The following CALN1 variants were observed in gnomAD, a reference collection of about 807,000 sequenced individuals.
The protein encoded by CALN1 is calcium-binding protein 8.
CALN1 carries 17 observed loss-of-function variants against 30.6 expected under a neutral mutation model. The ratio of observed to expected loss-of-function variants is 0.56; its 90% CI spans 0.38 to 0.83. The LOEUF is 0.83. Among genes scored for constraint, CALN1 ranks in the 40% least tolerant of loss-of-function variants. The pLI is 0.00. For missense variants in CALN1, 291 were observed against 354.9 expected, an observed-to-expected ratio of 0.82 and a Z score of 1.45; for synonymous variants, 156 against 131.4, an observed-to-expected ratio of 1.19 and a Z score of -1.28.
chr7:72,324,487 C>A (rs1585489808), intron 2 of CALN1, among the ~76,000 whole-genome samples: 2 of 152,110 alleles, frequency 1.3e-5, no homozygotes, highest in East Asian at 1.9e-4. Flanking sequence ...CCTCCAAAAT[C>A]TTTCCCTAGG....
At chr7:72,010,639 C>CCA (rs942956903) in intron 5 of CALN1, among the ~76,000 whole-genome samples, 60 of 150,548 alleles carry the variant, frequency 4.0e-4, no homozygotes, top group African/African-American at 1.4e-3. Context: ...TGGTGAAACT[C>CCA]CATCTCTACT....
At chr7:72,363,625 T>G (rs1803696346) in intron 2 of CALN1, among the ~76,000 whole-genome samples, 3 of 151,850 alleles carry the variant, frequency 2.0e-5, no homozygotes. Flanking sequence ...AGACACAAAA[T>G]GTTGAAAGTG....
intron 3 of CALN1, among the ~76,000 whole-genome samples, chr7:72,220,637 G>A (rs1336372072): frequency 6.6e-6 from 1 of 152,152 alleles, no homozygotes; most frequent in Non-Finnish European, 1.5e-5. Flanking sequence ...CACAATGGTT[G>A]AACCAGTTTA....
At chr7:72,011,942 T>A (rs1584741067) in intron 5 of CALN1, among the ~76,000 whole-genome samples, 1 of 152,194 alleles carries the variant, frequency 6.6e-6, no homozygotes, top group African/African-American at 2.4e-5. Flanking sequence ...CCCATTTAGA[T>A]AACTTTCAAT....
chr7:72,196,752 A>G (rs893420731), intron 3 of CALN1, among the ~76,000 whole-genome samples: 1 of 152,192 alleles, frequency 6.6e-6, no homozygotes, highest in Non-Finnish European at 1.5e-5. Context: ...GCTTGCCACT[A>G]TATCAAACAC....
intron 2 of CALN1, among the ~76,000 whole-genome samples, chr7:72,351,741 C>T (rs998358501): frequency 3.3e-5 from 5 of 151,836 alleles, no homozygotes; most frequent in African/African-American, 9.7e-5. Context: ...ATAATCAATA[C>T]CAGAAAAGTC....
chr7:72,134,132 T>C (rs1252747145), intron 3 of CALN1, among the ~76,000 whole-genome samples: 1 of 152,178 alleles, frequency 6.6e-6, no homozygotes, highest in Non-Finnish European at 1.5e-5. Context: ...TCTGTTCTTC[T>C]GCCATATGAG....
the CALN1 span, among the ~76,000 whole-genome samples, chr7:72,502,196 G>C: frequency 6.7e-6 from 1 of 149,274 alleles, no homozygotes; most frequent in South Asian, 2.1e-4. Context: ...TAGGAGGGAC[G>C]AGGTCAGAAT....
intron 3 of CALN1, among the ~76,000 whole-genome samples, chr7:72,256,312 T>C (rs1795908533): frequency 1.3e-5 from 2 of 152,052 alleles, no homozygotes; most frequent in Admixed American, 6.6e-5. Context: ...TTTTAAAAAT[T>C]AGCCGGGTGT....
chr7:72,314,826 A>G (rs1020885290), intron 2 of CALN1, among the ~76,000 whole-genome samples: 16 of 141,388 alleles, frequency 1.1e-4, no homozygotes, highest in African/African-American at 3.6e-4. Context: ...AAGAAATAAT[A>G]AAACATTTTG....
intron 6 of CALN1, among the ~76,000 whole-genome samples, chr7:71,794,089 C>T (rs1786743673): frequency 6.6e-6 from 1 of 151,970 alleles, no homozygotes; most frequent in South Asian, 2.1e-4. Context: ...GTGGCAGATA[C>T]CATGTGTGAT....
the CALN1 span, among the ~76,000 whole-genome samples, chr7:72,487,406 C>T: frequency 6.6e-6 from 1 of 151,860 alleles, no homozygotes; most frequent in African/African-American, 2.4e-5. Context: ...AGAGAGGTGG[C>T]CAGGTGCGGT....
chr7:72,150,177 C>A (rs1787122349), intron 3 of CALN1, among the ~76,000 whole-genome samples: 1 of 151,512 alleles, frequency 6.6e-6, no homozygotes, highest in Non-Finnish European at 1.5e-5. Context: ...ACAGTAGCTG[C>A]CTTCTGTTGA....
intron 2 of CALN1, among the ~76,000 whole-genome samples, chr7:72,302,535 C>T (rs1362060250): frequency 6.6e-6 from 1 of 151,976 alleles, no homozygotes; most frequent in Non-Finnish European, 1.5e-5. Context: ...GCCCATCATC[C>T]CAGTACTTTC....
At chr7:72,446,166 C>T (rs1033158522) in intron 1 of CALN1, among the ~76,000 whole-genome samples, 4 of 152,022 alleles carry the variant, frequency 2.6e-5, no homozygotes, top group Non-Finnish European at 5.9e-5. Flanking sequence ...GTCAAGCTGA[C>T]GGAAAGGAAA....
chr7:72,160,305 G>T (rs1250125244), intron 3 of CALN1, among the ~76,000 whole-genome samples: 1 of 149,162 alleles, frequency 6.7e-6, no homozygotes, highest in Admixed American at 6.7e-5. Flanking sequence ...TTTAAACAGA[G>T]TCTCGTTCTG....
At chr7:72,104,464 G>A (rs1806936686) in intron 4 of CALN1, among the ~76,000 whole-genome samples, 1 of 152,128 alleles carries the variant, frequency 6.6e-6, no homozygotes, top group Non-Finnish European at 1.5e-5. Flanking sequence ...AGGTAAACAT[G>A]TGCCATGGTG....
chr7:72,130,486 ATG>A (rs1809064785), intron 3 of CALN1, among the ~76,000 whole-genome samples: 2 of 152,090 alleles, frequency 1.3e-5, no homozygotes, highest in African/African-American at 4.8e-5. Flanking sequence ...CTGCCTTCCA[ATG>A]TGCTTGTAAA....
intron 2 of CALN1, among the ~76,000 whole-genome samples, chr7:72,344,007 A>G (rs1802499469): frequency 6.6e-6 from 1 of 152,146 alleles, no homozygotes; most frequent in African/African-American, 2.4e-5. Flanking sequence ...GACTAAAGAT[A>G]AAGAAAGGTC....
Sources: gnomAD v4.1 joint callset for allele counts (sites outside exome capture counted in the v4.1 genomes callset) on GRCh38, gnomAD v4.1.1 for gene constraint, MANE v1.5 for transcripts, NCBI Gene and HGNC (gene_info 2026-07-23, HGNC 2026-07-21) for gene names.